The following NCOA2 variants were observed in gnomAD, a reference collection of about 807,000 sequenced individuals.
NCOA2 encodes the protein nuclear receptor coactivator 2.
In NCOA2, 21 loss-of-function variants were observed where a neutral mutation model predicts 145.1. The observed-to-expected ratio is 0.14, with a 90% CI of 0.10 to 0.21. The LOEUF is 0.21. Ranked by LOEUF, NCOA2 falls within the 10% of genes least tolerant of loss-of-function variation. NCOA2 has a pLI of 1.00. For synonymous variants in NCOA2, 619 were observed against 637.5 expected (o/e 0.97, Z 0.44); for missense variants, 1,472 against 1,837.6 (o/e 0.80, Z 3.64).
intron 10 of NCOA2, among the ~76,000 whole-genome samples, chr8:70,157,666 G>A (rs994785184): frequency 1.6e-4 from 25 of 152,080 alleles, no homozygotes; most frequent in African/African-American, 6.0e-4. Context: ...ACATCTGTAA[G>A]CCCAGAGCTC....
At chr8:70,246,990 A>G (rs1334395655) in intron 2 of NCOA2, among the ~76,000 whole-genome samples, 2 of 152,206 alleles carry the variant, frequency 1.3e-5, no homozygotes, top group Non-Finnish European at 2.9e-5. Context: ...AGGGATTATT[A>G]TCATATAAAA....
At chr8:70,423,077 G>A in the NCOA2 span, among the ~76,000 whole-genome samples, 1 of 152,174 alleles carries the variant, frequency 6.6e-6, no homozygotes, top group South Asian at 2.1e-4. Flanking sequence ...GATGTTCATG[G>A]TACAGCTCAG....
chr8:70,332,327 C>T (rs1807184977), intron 1 of NCOA2, among the ~76,000 whole-genome samples: 2 of 152,140 alleles, frequency 1.3e-5, no homozygotes, highest in Non-Finnish European at 2.9e-5. Context: ...CATTTGTAAG[C>T]AGGTTTAAAA....
the NCOA2 span, among the ~76,000 whole-genome samples, chr8:70,440,362 C>A: frequency 1.3e-5 from 2 of 152,116 alleles, no homozygotes; most frequent in Non-Finnish European, 2.9e-5. Context: ...CACCTGAGGT[C>A]AGGAGTTTGA....
At chr8:70,351,249 T>C (rs1006265905) in intron 1 of NCOA2, among the ~76,000 whole-genome samples, 2 of 152,194 alleles carry the variant, frequency 1.3e-5, no homozygotes, top group Non-Finnish European at 2.9e-5. Context: ...CCTACCTTTA[T>C]ATGAACATGA....
rs189037331 is a variant in NCOA2 at position 70,120,536 on chromosome 8, C to T, written c.4383+766G>A. Among the ~76,000 whole-genome samples the T allele has an allele frequency of 1.2e-3, 181 of 152,100 alleles. 1 individual carries two copies. Among genetic ancestry groups the T allele is most frequent in the Non-Finnish European group, 3.7e-4 (25 of 67,982 alleles). On this transcript the variant is annotated intron_variant, in intron 22 of 22. Transcript: ENST00000452400. ...AGGAGTTCAAGACCAGCCTGGCCAA[C>T]ATGGTGAAACCCCATCTCTACTAAA...
At chr8:70,176,156 C>T (rs1280791231) in intron 4 of NCOA2, among the ~76,000 whole-genome samples, 1 of 152,194 alleles carries the variant, frequency 6.6e-6, no homozygotes, top group East Asian at 1.9e-4. Context: ...TTTAAAAATA[C>T]AAAGAAGTTT....
At chr8:70,437,029 G>A in the NCOA2 span, among the ~76,000 whole-genome samples, 1 of 152,242 alleles carries the variant, frequency 6.6e-6, no homozygotes, top group African/African-American at 2.4e-5. Context: ...GGCGTGCTCT[G>A]TCACATACTT....
chr8:70,246,294 T>C (rs910098309), intron 2 of NCOA2, among the ~76,000 whole-genome samples: 3 of 152,086 alleles, frequency 2.0e-5, no homozygotes, highest in Admixed American at 2.0e-4. Flanking sequence ...TTGTTCTTAA[T>C]CCATGAAGCA....
At chr8:70,230,936 T>C (rs1586185922) in intron 2 of NCOA2, among the ~76,000 whole-genome samples, 1 of 152,366 alleles carries the variant, frequency 6.6e-6, no homozygotes, top group East Asian at 1.9e-4. Context: ...TTTATAATTT[T>C]CAATGGCTCT....
intron 6 of NCOA2, among the ~76,000 whole-genome samples, chr8:70,169,573 G>A (rs1043428725): frequency 6.6e-6 from 1 of 152,194 alleles, no homozygotes; most frequent in East Asian, 1.9e-4. Flanking sequence ...AACAAAGTTG[G>A]CTAGCATGGA....
At chr8:70,419,551 C>T in the NCOA2 span, among the ~76,000 whole-genome samples, 1 of 151,772 alleles carries the variant, frequency 6.6e-6, no homozygotes, top group East Asian at 1.9e-4. Context: ...TTTCTTGTCC[C>T]TACTTATTGT....
At chr8:70,134,089 C>G (rs1310311054) in intron 15 of NCOA2, among the ~76,000 whole-genome samples, 15 of 152,196 alleles carry the variant, frequency 9.9e-5, no homozygotes, top group Non-Finnish European at 2.1e-4. Flanking sequence ...TTCACAAAGT[C>G]ACACATGCTG....
chr8:70,301,834 T>TAATC (rs1289768219), intron 1 of NCOA2, among the ~76,000 whole-genome samples: 1 of 151,866 alleles, frequency 6.6e-6, no homozygotes, highest in Non-Finnish European at 1.5e-5. Context: ...AGCACCACCT[T>TAATC]AATCAAGCCA....
intron 2 of NCOA2, among the ~76,000 whole-genome samples, chr8:70,289,293 A>G (rs1228423228): frequency 6.6e-6 from 1 of 152,128 alleles, no homozygotes; most frequent in Non-Finnish European, 1.5e-5. Flanking sequence ...ACTGGCCACT[A>G]CTCTCTATAT....
intron 2 of NCOA2, among the ~76,000 whole-genome samples, chr8:70,288,269 T>C (rs1259843946): frequency 6.6e-6 from 1 of 152,134 alleles, no homozygotes; most frequent in African/African-American, 2.4e-5. Context: ...AAGGGTTATT[T>C]TTTTTCCTTT....
intron 11 of NCOA2, among the ~76,000 whole-genome samples, chr8:70,149,631 A>G (rs1811534031): frequency 6.6e-6 from 1 of 151,926 alleles, no homozygotes; most frequent in African/African-American, 2.4e-5. Flanking sequence ...TATCACCACT[A>G]TTTCACACTT....
chr8:70,423,443 G>A, the NCOA2 span, among the ~76,000 whole-genome samples: 3 of 152,032 alleles, frequency 2.0e-5, no homozygotes, highest in South Asian at 6.2e-4. Context: ...TTGGCCTCCC[G>A]GAGTGCTGGG....
chr8:70,234,463 T>C (rs1015040672), intron 2 of NCOA2, among the ~76,000 whole-genome samples: 1 of 152,206 alleles, frequency 6.6e-6, no homozygotes, highest in African/African-American at 2.4e-5. Context: ...GCTACACCAT[T>C]TTACATTCCT....
Sources: allele counts gnomAD v4.1 joint callset (sites outside exome capture counted in the v4.1 genomes callset), GRCh38; gene constraint gnomAD v4.1.1; transcripts MANE v1.5; gene names NCBI Gene and HGNC (gene_info 2026-07-23, HGNC 2026-07-21).